CLIC4: variants seen among roughly 807,000 people sequenced by gnomAD.
CLIC4 encodes the protein CLIC family member 4, also known as chloride intracellular channel protein 4.
CLIC4 carries 13 observed loss-of-function variants against 24.6 expected under a neutral mutation model. The observed-to-expected ratio is 0.53, with a 90% CI of 0.34 to 0.84. CLIC4 has a LOEUF of 0.84. Among genes scored for constraint, CLIC4 ranks in the 40% least tolerant of loss-of-function variants. CLIC4 has a pLI of 0.01. For synonymous variants in CLIC4, 104 were observed against 111.3 expected (o/e 0.93, Z 0.41); for missense variants, 227 against 301.7 (o/e 0.75, Z 1.83).
At chr1:24,822,341 C>CTTTTTTT (rs71032865) in intron 3 of CLIC4, among the ~76,000 whole-genome samples, 6 of 75,464 alleles carry the variant, frequency 8.0e-5, no homozygotes, top group Admixed American at 1.9e-4. Flanking sequence ...TCAGTGAATT[C>CTTTTTTT]TTTTTTTTTT....
chr1:24,820,079 G>GTATATATA (rs779189334), intron 3 of CLIC4, among the ~76,000 whole-genome samples: 4 of 46,332 alleles, frequency 8.6e-5, no homozygotes, highest in Non-Finnish European at 1.6e-4. Context: ...ATATATATAT[G>GTATATATA]TATATATATA....
intron 2 of CLIC4, among the ~76,000 whole-genome samples, chr1:24,801,871 A>C (rs1002033640): frequency 3.3e-5 from 5 of 152,244 alleles, no homozygotes; most frequent in Non-Finnish European, 7.3e-5. Context: ...CTTTGGGAAT[A>C]GTGAGTTAAA....
At chr1:24,825,691 T>A (rs1639780734) in intron 3 of CLIC4, among the ~76,000 whole-genome samples, 1 of 152,188 alleles carries the variant, frequency 6.6e-6, no homozygotes, top group Non-Finnish European at 1.5e-5. Context: ...TCCTTACCAA[T>A]ATAGTACTCT....
At chr1:24,819,784 G>A (rs947034802) in intron 3 of CLIC4, among the ~76,000 whole-genome samples, 1 of 148,392 alleles carries the variant, frequency 6.7e-6, no homozygotes, top group African/African-American at 2.5e-5. Context: ...CTGTCGCCCA[G>A]GCTGGAGTGC....
chr1:24,786,545 G>GT (rs1639269454), intron 1 of CLIC4, among the ~76,000 whole-genome samples: 1 of 152,172 alleles, frequency 6.6e-6, no homozygotes, highest in East Asian at 1.9e-4. Flanking sequence ...TCTATCTAGA[G>GT]ATTCATTGTT....
At chr1:24,788,274 G>A (rs945882085) in intron 1 of CLIC4, among the ~76,000 whole-genome samples, 5 of 152,206 alleles carry the variant, frequency 3.3e-5, no homozygotes, top group Non-Finnish European at 7.3e-5. Context: ...ATAGATGTTA[G>A]CCACCACGCC....
intron 1 of CLIC4, among the ~76,000 whole-genome samples, chr1:24,796,375 G>A (rs1282814104): frequency 6.6e-6 from 1 of 152,086 alleles, no homozygotes; most frequent in Non-Finnish European, 1.5e-5. Flanking sequence ...TTTTAGTAGA[G>A]GTGGGGTTTC....
At chr1:24,780,594 C>G (rs747013005) in intron 1 of CLIC4, among the ~76,000 whole-genome samples, 5 of 152,184 alleles carry the variant, frequency 3.3e-5, no homozygotes, top group Non-Finnish European at 7.3e-5. Context: ...GCTTCTTGTC[C>G]TCTCTCTGAG....
intron 3 of CLIC4, among the ~76,000 whole-genome samples, chr1:24,816,243 T>TG (rs1411125784): frequency 6.9e-4 from 101 of 145,880 alleles, no homozygotes; most frequent in Non-Finnish European, 1.1e-3. Flanking sequence ...TGTTTTTTTT[T>TG]TTTTTTTTTT....
At chr1:24,765,093 C>T (rs1638977607) in intron 1 of CLIC4, among the ~76,000 whole-genome samples, 1 of 152,196 alleles carries the variant, frequency 6.6e-6, no homozygotes, top group Non-Finnish European at 1.5e-5. Flanking sequence ...CTTTTCACTT[C>T]TAGGAAGATC....
chr1:24,775,085 G>C (rs1457923764), intron 1 of CLIC4, among the ~76,000 whole-genome samples: 2 of 149,164 alleles, frequency 1.3e-5, no homozygotes, highest in Admixed American at 1.3e-4. Flanking sequence ...AAAAAAAAAA[G>C]AAAGTGATTC....
intron 2 of CLIC4, among the ~76,000 whole-genome samples, chr1:24,798,947 C>T (rs1036756874): frequency 6.6e-6 from 1 of 152,268 alleles, no homozygotes; most frequent in African/African-American, 2.4e-5. Flanking sequence ...TCACTCAGTG[C>T]TCAATGGTGC....
rs530843479 is a variant in CLIC4, at chr1:24,787,702, A to AT, written c.73-10024dup. On this transcript the variant is annotated intron_variant, in intron 1 of 5. Transcript: ENST00000374379. Reference sequence around the variant, plus strand: ...AGGCGTCTGCCACCACGCCAGGCTAATTTTTTTTTTTTTTTTGTATATTTA... The same window carrying AT: ...AGGCGTCTGCCACCACGCCAGGCTAATTTTTTTTTTTTTTTTTGTATATTTA... Among the ~76,000 whole-genome samples the AT allele has an allele frequency of 6.1e-3, 849 of 139,104 alleles. 8 individuals are homozygous for AT. Among genetic ancestry groups the AT allele is most frequent in the South Asian group, 0.025 (108 of 4,376 alleles). The allele number at this position is 139,104 out of a possible 152,430, so 91.3% of individuals were successfully genotyped here.
At chr1:24,802,367 T>A (rs1639500609) in intron 2 of CLIC4, among the ~76,000 whole-genome samples, 1 of 152,196 alleles carries the variant, frequency 6.6e-6, no homozygotes. Context: ...TGTAAGTGTA[T>A]ATGTTAAGTG....
At chr1:24,800,354 G>A (rs1639471109) in intron 2 of CLIC4, among the ~76,000 whole-genome samples, 2 of 125,844 alleles carry the variant, frequency 1.6e-5, no homozygotes, top group Admixed American at 7.6e-5. Flanking sequence ...GGGGGGGTCA[G>A]CCCCCCACCC....
At chr1:24,836,792 C>A (rs144306856) in intron 4 of CLIC4, among the ~76,000 whole-genome samples, 1 of 152,126 alleles carries the variant, frequency 6.6e-6, no homozygotes, top group Non-Finnish European at 1.5e-5. Context: ...GAGCCGAGAT[C>A]GTGCCATTGC....
intron 2 of CLIC4, among the ~76,000 whole-genome samples, chr1:24,812,743 A>G (rs757424144): frequency 2.0e-4 from 30 of 152,136 alleles, no homozygotes; most frequent in Middle Eastern, 3.4e-3. Flanking sequence ...TTTTTGAGAC[A>G]GAGTATTGCT....
In CLIC4 at chr1:24,814,182, A is replaced by G; in HGVS notation, c.271A>G (p.Ile91Val). ...NSEVKTDVNK[I>V]EEFLEEVLCP... ...TGAAGTCAAAACGGATGTAAATAAG[A>G]TTGAGGAATTTCTTGAAGAAGTCTT... Residue 91 changes from isoleucine (I) to valine (V), a missense_variant, in exon 3 of 6, where the codon ATT (isoleucine) becomes GTT (valine). Transcript: ENST00000374379. The G allele has an allele frequency of 6.2e-7, 1 of 1,614,038 alleles. No homozygotes were observed. Among genetic ancestry groups the G allele is most frequent in the Non-Finnish European group, 8.5e-7 (1 of 1,179,962 alleles).
chr1:24,780,424 A>G (rs1237961949), intron 1 of CLIC4, among the ~76,000 whole-genome samples: 1 of 152,214 alleles, frequency 6.6e-6, no homozygotes, highest in East Asian at 1.9e-4. Flanking sequence ...AAATTCAAAC[A>G]CTTAATTTGG....
Sources: gnomAD v4.1 joint callset for allele counts (sites outside exome capture counted in the v4.1 genomes callset) on GRCh38, gnomAD v4.1.1 for gene constraint, MANE v1.5 for transcripts, NCBI Gene and HGNC (gene_info 2026-07-23, HGNC 2026-07-21) for gene names.